Variants in TEX9 observed in about 807,000 individuals in gnomAD.
TEX9 encodes the protein testis expressed 9.
TEX9 carries 74 observed loss-of-function variants against 59.6 expected under a neutral mutation model. The ratio of observed to expected loss-of-function variants is 1.24; its 90% CI spans 1.03 to 1.51. The LOEUF (loss-of-function observed/expected upper bound fraction) is 1.51. TEX9 is among the 40% of genes most tolerant of loss of function. The probability of loss-of-function intolerance (pLI) is 0.00; values close to 1 mark genes in which losing one functional copy is unlikely to be tolerated. For synonymous variants in TEX9, 186 were observed against 152.2 expected, an observed-to-expected ratio of 1.22 and a Z score of -1.64; for missense variants, 522 against 447.8, an observed-to-expected ratio of 1.17 and a Z score of -1.49.
chr15:56,394,484 G>C, intron 8 of TEX9, 177 bp from the exon 9 acceptor site: 1 of 627,368 alleles, frequency 1.6e-6, no homozygotes, highest in Non-Finnish European at 2.7e-6. Context: ...TGTAGTGTAA[G>C]CTATTAAATG....
chr15:56,278,749 G>A (rs1367971933), intron 1 of TEX9, among the ~76,000 whole-genome samples: 1 of 151,860 alleles, frequency 6.6e-6, no homozygotes, highest in African/African-American at 2.4e-5. Flanking sequence ...CATAGGTTTT[G>A]GGTTCCTCAA....
intron 9 of TEX9, among the ~76,000 whole-genome samples, chr15:56,401,329 AAAAC>A (rs1237736695): frequency 6.7e-6 from 1 of 150,300 alleles, no homozygotes; most frequent in African/African-American, 2.4e-5. Context: ...AAAAAAAAAA[AAAAC>A]AGGGGTTGCA....
chr15:56,272,914 C>CTTTA (rs796459070), intron 1 of TEX9, among the ~76,000 whole-genome samples: 5 of 109,914 alleles, frequency 4.5e-5, no homozygotes, highest in Admixed American at 1.9e-4. Flanking sequence ...GGTGGGGGTT[C>CTTTA]TTTATTTATT....
At chr15:56,337,395 A>T (rs1352299183) in intron 1 of TEX9, among the ~76,000 whole-genome samples, 1 of 152,154 alleles carries the variant, frequency 6.6e-6, no homozygotes, top group Non-Finnish European at 1.5e-5. Context: ...TTATCAAGAG[A>T]CTGTGAAAAT....
chr15:56,301,566 A>G (rs1250500594), intron 1 of TEX9, among the ~76,000 whole-genome samples: 2 of 152,154 alleles, frequency 1.3e-5, no homozygotes, highest in African/African-American at 4.8e-5. Context: ...TGAAGAACAT[A>G]AAAAAGAGCT....
chr15:56,273,155 A>G (rs1029488199), intron 1 of TEX9, among the ~76,000 whole-genome samples: 14 of 152,066 alleles, frequency 9.2e-5, no homozygotes, highest in Middle Eastern at 3.2e-3. Flanking sequence ...GGGTTTCACC[A>G]TACTGGCCAG....
rs181383242 is a variant in TEX9 at position 56,394,203 on chromosome 15, A to G, written c.610A>G (p.Met204Val). 124 of 1,609,316 alleles carry G rather than the reference A, an allele frequency of 7.7e-5. 2 individuals are homozygous for G. The Admixed American group carries it at 1.5e-3, about 19-fold the overall frequency. Residue 204 changes from methionine to valine, a missense_variant, in exon 8 of 13, where the codon ATG (methionine) becomes GTG (valine). Transcript: ENST00000352903. ...ATTTCTAAAGGCCAAACTCCATGTTATGCAGGAGGAATTGGATAATGTTGT... is the reference window on the plus strand; with the variant it reads ...ATTTCTAAAGGCCAAACTCCATGTTGTGCAGGAGGAATTGGATAATGTTGT...
chr15:56,336,807 TA>T (rs1368538546), intron 1 of TEX9, among the ~76,000 whole-genome samples: 1 of 152,134 alleles, frequency 6.6e-6, no homozygotes, highest in Non-Finnish European at 1.5e-5. Flanking sequence ...CTTATACTCC[TA>T]CATCAGCCAG....
chr15:56,437,944 C>T (rs1171628989), intron 12 of TEX9, among the ~76,000 whole-genome samples: 1 of 152,076 alleles, frequency 6.6e-6, no homozygotes, highest in African/African-American at 2.4e-5. Context: ...AACTGCAAAC[C>T]ACTGCTCAAC....
intron 3 of TEX9, among the ~76,000 whole-genome samples, chr15:56,375,242 G>C (rs941374674): frequency 6.6e-6 from 1 of 152,078 alleles, no homozygotes; most frequent in Non-Finnish European, 1.5e-5. Flanking sequence ...TTGTGGTTTT[G>C]ATTTGCATTT....
At chr15:56,421,587 T>C (rs1051307995) in intron 10 of TEX9, 2 of 151,836 alleles carry the variant, frequency 1.3e-5, no homozygotes, top group African/African-American at 4.9e-5. Context: ...CTCCTTTGTG[T>C]CTTCTCATTA....
intron 4 of TEX9, among the ~76,000 whole-genome samples, chr15:56,387,950 T>C (rs1231423170): frequency 1.3e-5 from 2 of 152,026 alleles, no homozygotes; most frequent in South Asian, 2.1e-4. Context: ...TATTTATTCA[T>C]GCACTCAACA....
At chr15:56,245,380 AC>A (rs1371379992) in intron 1 of TEX9, among the ~76,000 whole-genome samples, 2 of 152,210 alleles carry the variant, frequency 1.3e-5, no homozygotes, top group Non-Finnish European at 2.9e-5. Context: ...CTCTTGGATT[AC>A]GCTGTGCTCC....
rs144614579 is a variant in TEX9 at position 56,427,460 on chromosome 15, G to A, written c.964-145G>A. The A allele has an allele frequency of 6.4e-5, 29 of 450,544 alleles. No individual in the cohort carries two copies. In the South Asian group the frequency reaches 6.6e-4, roughly 10 times the overall value. 27.9% of individuals were successfully genotyped at this position (450,544 alleles called of 1,614,324 possible). A position where few individuals can be genotyped will look rare whatever the true frequency, so the allele number is the denominator to read the frequency against. ...AAAAGCTATCAAATTCCAGTAATTC[G>A]GTAATGGAAAGCAATTTTTATCTAC... On this transcript the variant is annotated intron_variant, in intron 10 of 12. Transcript: ENST00000352903.
intron 1 of TEX9, among the ~76,000 whole-genome samples, chr15:56,354,267 C>T (rs771529207): frequency 2.0e-5 from 3 of 152,184 alleles, no homozygotes; most frequent in African/African-American, 7.2e-5. Context: ...CAATGTTCCC[C>T]AAGTATTTCT....
At chr15:56,349,488 T>C (rs2046534088) in intron 1 of TEX9, among the ~76,000 whole-genome samples, 1 of 152,198 alleles carries the variant, frequency 6.6e-6, no homozygotes, top group African/African-American at 2.4e-5. Context: ...TCATGTTCTT[T>C]AGGCCTGAAA....
chr15:56,330,926 T>G (rs1257069024), intron 1 of TEX9, among the ~76,000 whole-genome samples: 3 of 152,048 alleles, frequency 2.0e-5, no homozygotes, highest in Non-Finnish European at 4.4e-5. Flanking sequence ...ATATTTTACC[T>G]GAAAAGACAT....
chr15:56,294,940 C>A (rs928244434), intron 1 of TEX9, among the ~76,000 whole-genome samples: 1 of 152,044 alleles, frequency 6.6e-6, no homozygotes, highest in Admixed American at 6.6e-5. Flanking sequence ...TTCACTAATA[C>A]CTAAACTTAA....
intron 1 of TEX9, among the ~76,000 whole-genome samples, chr15:56,292,419 T>G (rs1182840589): frequency 6.6e-6 from 1 of 152,164 alleles, no homozygotes. Context: ...GTTTTGGTAT[T>G]CAGGTGATCC....
Sources: allele counts gnomAD v4.1 joint callset (sites outside exome capture counted in the v4.1 genomes callset), GRCh38; gene constraint gnomAD v4.1.1; transcripts MANE v1.5; gene names NCBI Gene and HGNC (gene_info 2026-07-23, HGNC 2026-07-21).